ZNF138: variants seen among roughly 807,000 people sequenced by gnomAD.
ZNF138 encodes zinc finger protein 138.
In ZNF138, 33 loss-of-function variants were observed where a neutral mutation model predicts 33.0. The observed-to-expected ratio is 1.00, with a 90% CI of 0.76 to 1.34. The LOEUF is 1.34. Ranked by LOEUF, ZNF138 falls within the 40% of genes most tolerant of loss-of-function variation. The probability of loss-of-function intolerance (pLI) is 0.00; values close to 1 mark genes in which losing one functional copy is unlikely to be tolerated. For synonymous variants in ZNF138, 139 were observed against 120.4 expected (o/e 1.15, Z -1.01); for missense variants, 360 against 370.8 (o/e 0.97, Z 0.24).
intron 3 of ZNF138, among the ~76,000 whole-genome samples, chr7:64,829,163 A>C (rs1027830182): frequency 6.6e-6 from 1 of 152,100 alleles, no homozygotes; most frequent in African/African-American, 2.4e-5. Context: ...TATTGAGGAG[A>C]GTGTGTATCA....
intron 1 of ZNF138, among the ~76,000 whole-genome samples, chr7:64,808,490 GTACTT>G (rs1449372944): frequency 2.6e-5 from 4 of 152,060 alleles, no homozygotes; most frequent in African/African-American, 4.8e-5. Context: ...CAAAAAAAGT[GTACTT>G]TATTTGGGCC....
chr7:64,803,770 A>G (rs1787349872), intron 1 of ZNF138, among the ~76,000 whole-genome samples: 2 of 150,106 alleles, frequency 1.3e-5, no homozygotes, highest in Non-Finnish European at 3.0e-5. Context: ...TATGTACATT[A>G]TAAATAGTAC....
At chr7:64,834,592 A>G (rs563840315), downstream of ZNF138, among the ~76,000 whole-genome samples, 1 of 152,346 alleles carries the variant, frequency 6.6e-6, no homozygotes, top group South Asian at 2.1e-4. Context: ...TTCCTATTGC[A>G]TTCACTAGTG....
At position 64,807,301 on chromosome 7, in the gene ZNF138, C is replaced by G. The variant is rs544269533; in HGVS notation, c.4-7617C>G. The stretch of plus-strand genomic sequence containing the variant: ...CTCTAGTGCCCCTGGGTTAGGGTCT[C>G]CACAACCTAGCTGGTCTGGGCACTC... On this transcript the variant is annotated intron_variant, in intron 1 of 3. Coordinates refer to ENST00000307355, the MANE Select transcript of ZNF138 (RefSeq NM_001271639.2). Among the ~76,000 whole-genome samples, 10 of 152,296 alleles carry G rather than the reference C, an allele frequency of 6.6e-5. No individual in the cohort carries two copies. In the East Asian group the frequency reaches 1.5e-3, roughly 24 times the overall value.
chr7:64,845,916 T>C, the ZNF138 span, among the ~76,000 whole-genome samples: 1 of 152,214 alleles, frequency 6.6e-6, no homozygotes, highest in South Asian at 2.1e-4. Context: ...AAGTCTTAGA[T>C]CCATCTTGAG....
At chr7:64,848,648 A>G in the ZNF138 span, among the ~76,000 whole-genome samples, 2 of 149,980 alleles carry the variant, frequency 1.3e-5, no homozygotes, top group East Asian at 3.9e-4. Context: ...TTTTTCAGGT[A>G]AATCAGGGAT....
chr7:64,821,700 C>T (rs1297907821), intron 3 of ZNF138, among the ~76,000 whole-genome samples: 1 of 151,038 alleles, frequency 6.6e-6, no homozygotes, highest in Non-Finnish European at 1.5e-5. Context: ...GCAGGTGCCA[C>T]CACGCCTGGC....
intron 3 of ZNF138, among the ~76,000 whole-genome samples, chr7:64,829,937 G>C (rs1249398427): frequency 6.6e-6 from 1 of 152,048 alleles, no homozygotes; most frequent in African/African-American, 2.4e-5. Context: ...ACTCCTTTCA[G>C]CATCTTTGAT....
At chr7:64,800,515 T>C (rs1467769668) in intron 1 of ZNF138, among the ~76,000 whole-genome samples, 1 of 152,222 alleles carries the variant, frequency 6.6e-6, no homozygotes, top group African/African-American at 2.4e-5. Context: ...TGAACCAACC[T>C]CATATCCCAG....
chr7:64,806,278 T>G (rs929409595), intron 1 of ZNF138, among the ~76,000 whole-genome samples: 3 of 152,196 alleles, frequency 2.0e-5, no homozygotes, highest in Non-Finnish European at 4.4e-5. Context: ...TAGTACTCTA[T>G]AGTTAACATT....
At chr7:64,812,868 T>A (rs1213485030) in intron 1 of ZNF138, among the ~76,000 whole-genome samples, 3 of 108,908 alleles carry the variant, frequency 2.8e-5, no homozygotes, top group African/African-American at 1.0e-4. Context: ...TTTTTTTTTT[T>A]AGCTTAACAT....
At position 64,831,717 on chromosome 7, in the gene ZNF138, A is replaced by G. The variant is rs752233010; in HGVS notation, c.475A>G (p.Ile159Val). ...ATTTTCAAATTCAAATAGACACAAG[A>G]TAAGACATACTGAAAATAAACATTT... is the stretch of plus-strand genomic sequence containing the variant. ...HKFSNSNRHKIRHTENKHFRC... is the reference protein window; with the variant it reads ...HKFSNSNRHKVRHTENKHFRC... Residue 159 changes from isoleucine to valine, a missense_variant, in exon 4 of 4, where the codon ATA becomes GTA. By Grantham distance (29) the Ile-to-Val change is conservative. Transcript: ENST00000307355. 27 of 1,613,130 alleles carry G rather than the reference A, an allele frequency of 1.7e-5. No homozygotes were observed. The highest frequency in any genetic ancestry group is 2.7e-5 in the African/African-American group (2 of 74,906).
rs755169333 is a variant in ZNF138, at chr7:64,794,529, A to G, written c.-40A>G. 3.1e-6 allele frequency: 5 copies of G among 1,612,442 alleles called. No individual in the cohort carries two copies. The African/African-American group carries it at 5.3e-5, about 17-fold the overall frequency. The stretch of plus-strand genomic sequence containing the variant: ...GGCGCTGTGATCTGGTTATTGGGAG[A>G]TTCACAGCTAAGACGCCAGGATCCC... On this transcript the variant is annotated 5_prime_UTR_variant, in exon 1 of 4. Transcript: ENST00000307355.
chr7:64,852,801 T>C, the ZNF138 span: 4 of 845,346 alleles, frequency 4.7e-6, no homozygotes, highest in Admixed American at 5.1e-5. Flanking sequence ...TTGTCTGGCA[T>C]GATAAATTCA....
At chr7:64,838,950 G>A in the ZNF138 span, among the ~76,000 whole-genome samples, 6 of 152,110 alleles carry the variant, frequency 3.9e-5, no homozygotes, top group South Asian at 2.1e-4. Context: ...AGATGGCGGC[G>A]GAGAGACTAA....
rs554741376 is a variant in ZNF138, at chr7:64,813,462, C to G, written c.4-1456C>G. ...TTTTTTTTTTTTTTTTTAATGGAGT[C>G]TCGCGCTGTCGCCCAGGCTGGAGTG... On this transcript the variant is annotated intron_variant, in intron 1 of 3. Transcript: ENST00000307355. Among the ~76,000 whole-genome samples the G allele has an allele frequency of 2.8e-5, 4 of 144,792 alleles. No individual in the cohort carries two copies. The South Asian group carries it at 8.7e-4, about 32-fold the overall frequency. 95.0% of individuals were successfully genotyped at this position (144,792 alleles called of 152,430 possible).
At chr7:64,838,896 C>T in the ZNF138 span, among the ~76,000 whole-genome samples, 4 of 72,948 alleles carry the variant, frequency 5.5e-5, no homozygotes, top group Admixed American at 1.5e-4. Context: ...AGTAAGATGG[C>T]GGCGGTGAGG....
chr7:64,849,809 C>T, the ZNF138 span, among the ~76,000 whole-genome samples: 1 of 152,072 alleles, frequency 6.6e-6, no homozygotes, highest in Non-Finnish European at 1.5e-5. Context: ...CTCCCCACCC[C>T]CAAGAGCACC....
chr7:64,823,741 C>T (rs1789354439), intron 3 of ZNF138, among the ~76,000 whole-genome samples: 1 of 152,126 alleles, frequency 6.6e-6, no homozygotes, highest in African/African-American at 2.4e-5. Flanking sequence ...AGTTTGAGCC[C>T]AGCCTGGCCA....
Sources: gnomAD v4.1 joint callset for allele counts (sites outside exome capture counted in the v4.1 genomes callset) on GRCh38, gnomAD v4.1.1 for gene constraint, MANE v1.5 for transcripts, NCBI Gene and HGNC (gene_info 2026-07-23, HGNC 2026-07-21) for gene names.